Variants in RUBCN observed in about 807,000 individuals in gnomAD.
The protein encoded by RUBCN is run domain Beclin-1-interacting and cysteine-rich domain-containing protein.
A neutral mutation model predicts 113.2 loss-of-function variants in RUBCN; 74 were observed. The ratio of observed to expected loss-of-function variants is 0.65; its 90% confidence interval spans 0.54 to 0.79. The LOEUF (loss-of-function observed/expected upper bound fraction) is 0.79, where lower values mean the gene tolerates loss of function less well. RUBCN is among the 30% of genes least tolerant of loss of function. RUBCN has a pLI of 0.00. For missense variants in RUBCN, 1,109 were observed against 1,251.7 expected (o/e 0.89, Z 1.72); for synonymous variants, 480 against 490.0 (o/e 0.98, Z 0.27).
chr3:197,704,164 G>A (rs1346066371), intron 4 of RUBCN, among the ~76,000 whole-genome samples: 14 of 152,332 alleles, frequency 9.2e-5, no homozygotes, highest in East Asian at 3.9e-4. Context: ...TGCCGGGCAC[G>A]GTAGTCACGC....
rs58076078 is a variant in RUBCN, at chr3:197,699,176, G to A, written c.1261+1437C>T. ...CAGAACAAAGAGGAGGTGGAGGACC[G>A]ATTCCCAAACCTGCAATGGGATCTT... On this transcript the variant is annotated intron_variant, in intron 7 of 19. Transcript: ENST00000296343. 6.2e-3 allele frequency: 9,586 copies of A among 1,542,894 alleles called. 478 individuals carry two copies. The African/African-American group carries it at 0.11, about 18-fold the overall frequency.
intron 11 of RUBCN, among the ~76,000 whole-genome samples, chr3:197,688,970 C>T (rs1722140633): frequency 6.6e-6 from 1 of 151,730 alleles, no homozygotes; most frequent in Admixed American, 6.6e-5. Context: ...GTGATGGCTG[C>T]ACAACTTGGT....
rs984565508 is a variant in RUBCN, at chr3:197,681,729, T to C, written c.2191+106A>G. The C allele has an allele frequency of 9.2e-6, 9 of 983,572 alleles. No individual in the cohort carries two copies. In the African/African-American group the frequency reaches 1.1e-4, roughly 12 times the overall value. 60.9% of individuals were successfully genotyped at this position (983,572 alleles called of 1,614,324 possible). ...ACCTTTCTTTCTCCTTCCCTACTTCTGCCACGCCACCTCCTGCTACCGCCT... is the reference window on the plus strand; with the variant it reads ...ACCTTTCTTTCTCCTTCCCTACTTCCGCCACGCCACCTCCTGCTACCGCCT... On this transcript the variant is annotated intron_variant, in intron 15 of 19. Transcript: ENST00000296343. This position sits in a 1 kb window ranked among gnomAD's most constrained non-coding sequence, Gnocchi z 5.5.
intron 17 of RUBCN, 96 bp downstream of exon 17, chr3:197,677,384 A>G: frequency 9.6e-7 from 1 of 1,041,566 alleles, no homozygotes; most frequent in Non-Finnish European, 1.5e-6. Flanking sequence ...AAATCTCTCT[A>G]CTCTCCTTCG....
intron 11 of RUBCN, among the ~76,000 whole-genome samples, chr3:197,690,285 A>G (rs1722280860): frequency 6.6e-6 from 1 of 152,152 alleles, no homozygotes; most frequent in South Asian, 2.1e-4. Context: ...TAAAAATACA[A>G]AAATTAGCCA....
At chr3:197,747,243 C>T (rs1160898013) in intron 1 of RUBCN, among the ~76,000 whole-genome samples, 1 of 152,100 alleles carries the variant, frequency 6.6e-6, no homozygotes, top group Non-Finnish European at 1.5e-5. Flanking sequence ...CTCCTAGGCC[C>T]CAAGACTCTC....
chr3:197,706,971 A>G (rs1724369292), intron 2 of RUBCN, among the ~76,000 whole-genome samples: 1 of 152,190 alleles, frequency 6.6e-6, no homozygotes, highest in Admixed American at 6.5e-5. Flanking sequence ...GTGGATTTTA[A>G]GTGGCCAGCC....
chr3:197,681,055 GGGGGAGGGACGA>G lies in RUBCN; in HGVS notation c.2430+62_2430+73del, dbSNP rs1721170863. The G allele has an allele frequency of 1.0e-5, 8 of 791,084 alleles. No individual in the cohort carries two copies. Among genetic ancestry groups the G allele is most frequent in the Middle Eastern group, 3.5e-4 (1 of 2,840 alleles). The allele number at this position is 791,084 out of a possible 1,614,324, so 49.0% of individuals were successfully genotyped here. A position where few individuals can be genotyped will look rare whatever the true frequency, so the allele number is the denominator to read the frequency against. On this transcript the variant is annotated intron_variant, in intron 16 of 19. Coordinates refer to ENST00000296343, the MANE Select transcript of RUBCN (RefSeq NM_014687.4). This position sits in a 1 kb window ranked among gnomAD's most constrained non-coding sequence, Gnocchi z 5.5. Reference sequence around the variant, plus strand: ...AGAGGAGGGGATGGGGGGAGGGGACGGGGGAGGGACGAGGGGAGGGGATGAGGGGAGGAGAAG... The same window carrying G: ...AGAGGAGGGGATGGGGGGAGGGGACGGGGGAGGGGATGAGGGGAGGAGAAG...
At chr3:197,694,056 A>G (rs975492493) in intron 10 of RUBCN, 8 of 511,740 alleles carry the variant, frequency 1.6e-5, no homozygotes, top group Non-Finnish European at 2.8e-5. Flanking sequence ...TTATTTATAT[A>G]TATACATATA....
intron 6 of RUBCN, among the ~76,000 whole-genome samples, 193 bp downstream of exon 6, chr3:197,701,515 C>T (rs548686767): frequency 6.6e-6 from 1 of 152,274 alleles, no homozygotes; most frequent in East Asian, 1.9e-4. Context: ...CTACAAACAT[C>T]TCTCTCTTCT....
At chr3:197,690,031 C>T (rs575237296) in intron 11 of RUBCN, among the ~76,000 whole-genome samples, 1 of 152,354 alleles carries the variant, frequency 6.6e-6, no homozygotes, top group East Asian at 1.9e-4. Context: ...TTAGCTCCCA[C>T]ATATGAGTGA....
intron 1 of RUBCN, among the ~76,000 whole-genome samples, chr3:197,732,130 T>C (rs976433036): frequency 2.6e-4 from 39 of 152,298 alleles, no homozygotes; most frequent in Non-Finnish European, 5.0e-4. Flanking sequence ...TCTTACTCCT[T>C]GAATTCTGAC....
At chr3:197,745,645 A>C (rs1310410813) in intron 1 of RUBCN, among the ~76,000 whole-genome samples, 1 of 151,634 alleles carries the variant, frequency 6.6e-6, no homozygotes, top group African/African-American at 2.4e-5. Flanking sequence ...AAACTGATAA[A>C]AAGTTAAGGG....
chr3:197,703,625 C>T lies in RUBCN; in HGVS notation c.493G>A (p.Val165Ile). 6.2e-7 allele frequency: 1 copy of T among 1,613,798 alleles called. No homozygotes were observed. The highest frequency in any genetic ancestry group is 8.5e-7 in the Non-Finnish European group (1 of 1,179,904). ...TCCAGGCACTGCAGCATGGCCGTGA[C>T]ATGAGCGTCACTTAGCAGGAAGGCA... The part of the protein sequence containing the change: ...DAAFLLSDAH[V>I]TAMLQCLEAV... Residue 165 changes from valine (V) to isoleucine (I), a missense_variant, in exon 5 of 20, where the codon GTC becomes ATC. By Grantham distance (29) the Val-to-Ile change is conservative. Transcript: ENST00000296343.
intron 16 of RUBCN, among the ~76,000 whole-genome samples, chr3:197,678,253 C>T (rs1213834696): frequency 6.6e-6 from 1 of 151,664 alleles, no homozygotes; most frequent in Non-Finnish European, 1.5e-5. Context: ...GACTGTCCCA[C>T]ACTCTGACTG....
At chr3:197,695,493 C>T (rs1281110093) in intron 9 of RUBCN, among the ~76,000 whole-genome samples, 1 of 151,998 alleles carries the variant, frequency 6.6e-6, no homozygotes, top group Non-Finnish European at 1.5e-5. Flanking sequence ...CCCAGCTACT[C>T]GGGAGGCTGA....
Position 197,675,636 on chromosome 3 carries a change from G to A in RUBCN, c.2647-121C>T. 1 of 778,718 alleles carries A rather than the reference G, an allele frequency of 1.3e-6. No homozygotes were observed. Among genetic ancestry groups the A allele is most frequent in the Non-Finnish European group, 2.3e-6 (1 of 442,740 alleles). 48.2% of individuals were successfully genotyped at this position (778,718 alleles called of 1,614,324 possible). On this transcript the variant is annotated intron_variant, in intron 18 of 19. Transcript: ENST00000296343. This position sits in a 1 kb window ranked among gnomAD's most constrained non-coding sequence, Gnocchi z 4.4. ...TCTGCTGCCCACAGGGAGGAGGCCT[G>A]GGCTGGACTCAGAAGCATGAAAGCT...
chr3:197,724,450 G>C (rs1726515670), intron 1 of RUBCN, among the ~76,000 whole-genome samples: 1 of 152,174 alleles, frequency 6.6e-6, no homozygotes, highest in Non-Finnish European at 1.5e-5. Context: ...CAATTGCAAA[G>C]TGTGATTCAA....
chr3:197,708,949 C>T (rs1411975260), intron 2 of RUBCN, among the ~76,000 whole-genome samples: 3 of 152,020 alleles, frequency 2.0e-5, no homozygotes, highest in African/African-American at 7.2e-5. Flanking sequence ...ATTTTATATT[C>T]ATACTACAGG....
Sources: gnomAD v4.1 joint callset for allele counts (sites outside exome capture counted in the v4.1 genomes callset) on GRCh38, gnomAD v4.1.1 for gene constraint, Gnocchi (gnomAD v3.1) non-coding constraint, MANE v1.5 for transcripts, NCBI Gene and HGNC (gene_info 2026-07-23, HGNC 2026-07-21) for gene names.